Variants in PPP2R2D observed in about 807,000 individuals in gnomAD.
PPP2R2D encodes serine/threonine-protein phosphatase 2A 55 kDa regulatory subunit B delta isoform.
A neutral mutation model predicts 31.1 loss-of-function variants in PPP2R2D; 9 were observed. The observed-to-expected ratio is 0.29, with a 90% CI of 0.17 to 0.51. The LOEUF (loss-of-function observed/expected upper bound fraction) is 0.51. PPP2R2D is among the 20% of genes least tolerant of loss of function. PPP2R2D has a pLI of 0.98. For missense variants in PPP2R2D, 391 were observed against 465.6 expected, an observed-to-expected ratio of 0.84 and a Z score of 1.48; for synonymous variants, 179 against 172.6, an observed-to-expected ratio of 1.04 and a Z score of -0.29.
At chr10:131,917,538 G>A (rs2035835003) in intron 2 of PPP2R2D, among the ~76,000 whole-genome samples, 1 of 130,974 alleles carries the variant, frequency 7.6e-6, no homozygotes, top group Middle Eastern at 4.8e-3. Context: ...ACCTCAGGCG[G>A]GTGGAATGAC....
Position 131,957,117 on chromosome 10 carries a change from G to C in PPP2R2D, c.*1154G>C, listed in dbSNP as rs1014578164. On this transcript the variant is annotated 3_prime_UTR_variant, in exon 9 of 9. Coordinates refer to ENST00000455566, the MANE Select transcript of PPP2R2D (RefSeq NM_018461.5). ...GAGTGACCAGAGCTTGCTTCCGTGG[G>C]ATTTAACACACGCCCACTACGTGTC... 1 of 159,406 alleles carries C rather than the reference G, an allele frequency of 6.3e-6. No homozygotes were observed. The highest frequency in any genetic ancestry group is 1.7e-4 in the South Asian group (1 of 5,938). 9.9% of individuals were successfully genotyped at this position (159,406 alleles called of 1,614,324 possible). A position where few individuals can be genotyped will look rare whatever the true frequency, so the allele number is the denominator to read the frequency against.
intron 2 of PPP2R2D, among the ~76,000 whole-genome samples, chr10:131,909,785 G>A (rs915922904): frequency 6.6e-6 from 1 of 152,262 alleles, no homozygotes; most frequent in East Asian, 1.9e-4. Context: ...GCTGGTTATC[G>A]CTGTTGATGT....
At chr10:131,960,960 T>C (rs2036912873), downstream of PPP2R2D, among the ~76,000 whole-genome samples, 1 of 151,792 alleles carries the variant, frequency 6.6e-6, no homozygotes, top group African/African-American at 2.4e-5. Context: ...GGGTGCTGAG[T>C]GGGGCTGTAG....
the PPP2R2D span, chr10:131,968,591 A>C: frequency 6.4e-7 from 1 of 1,572,790 alleles, no homozygotes; most frequent in Non-Finnish European, 8.7e-7. Flanking sequence ...AATTATCAGT[A>C]GTTAATGTAT....
chr10:131,921,751 A>G (rs1321561714), intron 2 of PPP2R2D, among the ~76,000 whole-genome samples: 1 of 152,088 alleles, frequency 6.6e-6, no homozygotes, highest in Non-Finnish European at 1.5e-5. Context: ...CAAAGTGACT[A>G]TGTTGGTGAT....
intron 2 of PPP2R2D, among the ~76,000 whole-genome samples, chr10:131,916,139 C>T (rs2035774718): frequency 6.6e-6 from 1 of 152,102 alleles, no homozygotes; most frequent in African/African-American, 2.4e-5. Context: ...TAGATGGAAC[C>T]TTTCTCTGGC....
chr10:131,928,703 C>G (rs1554895269), intron 2 of PPP2R2D, among the ~76,000 whole-genome samples: 1 of 152,162 alleles, frequency 6.6e-6, no homozygotes, highest in East Asian at 1.9e-4. Context: ...AGTGAAGATC[C>G]AGAGAAGTAG....
chr10:131,951,583 G>T (rs1650041449), intron 8 of PPP2R2D, among the ~76,000 whole-genome samples: 1 of 152,228 alleles, frequency 6.6e-6, no homozygotes, highest in Non-Finnish European at 1.5e-5. Context: ...AGCACTTTGG[G>T]AGGCTGAGGA....
intron 4 of PPP2R2D, 131 bp from the exon 5 acceptor site, chr10:131,940,451 T>C (rs561679867): frequency 2.6e-5 from 16 of 609,372 alleles, no homozygotes; most frequent in South Asian, 2.3e-4. Context: ...ATTGGAAATA[T>C]TCATGTTCAG....
intron 2 of PPP2R2D, among the ~76,000 whole-genome samples, chr10:131,902,424 G>T (rs2119687913): frequency 6.6e-6 from 1 of 152,166 alleles, no homozygotes; most frequent in Non-Finnish European, 1.5e-5. Flanking sequence ...GCAGTGTCTG[G>T]TTTGGCACAT....
intron 2 of PPP2R2D, among the ~76,000 whole-genome samples, chr10:131,927,457 G>A (rs1220395486): frequency 1.3e-5 from 2 of 152,186 alleles, no homozygotes; most frequent in African/African-American, 4.8e-5. Context: ...GAGCTTGGCG[G>A]CGGTGAGAGT....
In PPP2R2D at chr10:131,946,182, T is replaced by C. The variant is rs1249464224; in HGVS notation, c.820+723T>C. On this transcript the variant is annotated intron_variant, in intron 7 of 8. Transcript: ENST00000455566. The stretch of plus-strand genomic sequence containing the variant: ...TGGCTGGATTGGAAGCCACTTCCCT[T>C]AGCTGAAAGTCTAGCATTTTAATCC... Among the ~76,000 whole-genome samples, 3 of 152,364 alleles carry C rather than the reference T, an allele frequency of 2.0e-5. No homozygotes were observed. In the East Asian group the frequency reaches 5.8e-4, roughly 29 times the overall value.
At chr10:131,951,035 G>A (rs1805679255) in intron 8 of PPP2R2D, among the ~76,000 whole-genome samples, 1 of 152,220 alleles carries the variant, frequency 6.6e-6, no homozygotes, top group South Asian at 2.1e-4. Flanking sequence ...CAAGAAGGTG[G>A]CAAACAACTC....
chr10:131,945,198 C>G lies in PPP2R2D; in HGVS notation c.656-97C>G. 1 of 1,399,666 alleles carries G rather than the reference C, an allele frequency of 7.1e-7. No individual in the cohort carries two copies. The highest frequency in any genetic ancestry group is 1.9e-4 in the Middle Eastern group (1 of 5,398). 86.7% of individuals were successfully genotyped at this position (1,399,666 alleles called of 1,614,324 possible). A position where few individuals can be genotyped will look rare whatever the true frequency, so the allele number is the denominator to read the frequency against. The stretch of plus-strand genomic sequence containing the variant: ...TTAATAGCTAATCCCTTAAACCTCA[C>G]TGCGTGGATTATTTGGCGTCCTATT... On this transcript the variant is annotated intron_variant, in intron 6 of 8. Transcript: ENST00000455566. This position sits in a 1 kb window ranked among gnomAD's most constrained non-coding sequence, Gnocchi z 4.8.
rs543923474 is a variant in PPP2R2D, at chr10:131,956,173, C to A, written c.*210C>A. On this transcript the variant is annotated 3_prime_UTR_variant, in exon 9 of 9. Transcript: ENST00000455566. ...ACAGGCGCTGCTGCTCACGTGGAGA[C>A]GCTCTCGAAGCAGAGTTGACGGACA... 2.4e-6 allele frequency: 3 copies of A among 1,229,742 alleles called. No homozygotes were observed. Among genetic ancestry groups the A allele is most frequent in the Non-Finnish European group, 3.0e-6 (3 of 986,808 alleles). 76.2% of individuals were successfully genotyped at this position (1,229,742 alleles called of 1,614,324 possible).
intron 7 of PPP2R2D, among the ~76,000 whole-genome samples, chr10:131,946,713 T>C (rs1430506501): frequency 3.3e-5 from 5 of 152,086 alleles, no homozygotes; most frequent in Admixed American, 2.0e-4. Context: ...TTTCAGATGC[T>C]AAGCCGACAA....
At chr10:131,922,677 A>G (rs1589936210) in intron 2 of PPP2R2D, among the ~76,000 whole-genome samples, 2 of 151,804 alleles carry the variant, frequency 1.3e-5, no homozygotes, top group African/African-American at 4.8e-5. Flanking sequence ...TGAACTCCTG[A>G]CCTCGTGATC....
At chr10:131,935,131 G>T in intron 3 of PPP2R2D, 1 of 356,248 alleles carries the variant, frequency 2.8e-6, no homozygotes, top group Non-Finnish European at 5.6e-6. Context: ...TCCCGGTCAC[G>T]GCACTGCCTT....
intron 5 of PPP2R2D, among the ~76,000 whole-genome samples, chr10:131,941,506 AG>A (rs2036441174): frequency 6.6e-6 from 1 of 151,056 alleles, no homozygotes; most frequent in Admixed American, 6.6e-5. Flanking sequence ...TGCCGTTACT[AG>A]ATTGGAAAAC....
Sources: gnomAD v4.1 joint callset for allele counts (sites outside exome capture counted in the v4.1 genomes callset) on GRCh38, gnomAD v4.1.1 for gene constraint, Gnocchi (gnomAD v3.1) non-coding constraint, MANE v1.5 for transcripts, NCBI Gene and HGNC (gene_info 2026-07-23, HGNC 2026-07-21) for gene names.